The following PBX3 variants were observed in gnomAD, a reference collection of about 807,000 sequenced individuals.
PBX3 encodes the protein pre-B-cell leukemia transcription factor 3.
A neutral mutation model predicts 48.5 loss-of-function variants in PBX3; 14 were observed. That is an observed-to-expected ratio of 0.29 (90% CI 0.19 to 0.45). PBX3 has a LOEUF of 0.45. Among genes scored for constraint, PBX3 ranks in the 20% least tolerant of loss-of-function variants. The probability of loss-of-function intolerance (pLI) is 1.00; values close to 1 mark genes in which losing one functional copy is unlikely to be tolerated. For synonymous variants in PBX3, 210 were observed against 200.3 expected, an observed-to-expected ratio of 1.05 and a Z score of -0.41; for missense variants, 386 against 546.7, an observed-to-expected ratio of 0.71 and a Z score of 2.93.
In PBX3 at chr9:125,929,701, A is replaced by T. The variant is rs1841672143; in HGVS notation, c.563A>T (p.Gln188Leu). Residue 188 changes from glutamine to leucine, a missense_variant, in exon 4 of 9, where the codon CAG (glutamine) becomes CTG (leucine). Physicochemically the swap from Gln to Leu is moderately radical, Grantham distance 113. Transcript: ENST00000373489. ...TTHVMNLLRE[Q>L]SRTRPISPKE... ...CATGTGATGAACCTTCTCCGAGAACAGAGTAGAACACGTCCCATTTCTCCA... is the reference window on the plus strand; with the variant it reads ...CATGTGATGAACCTTCTCCGAGAACTGAGTAGAACACGTCCCATTTCTCCA... The T allele has an allele frequency of 6.2e-7, 1 of 1,612,894 alleles. No individual in the cohort carries two copies. Among genetic ancestry groups the T allele is most frequent in the African/African-American group, 1.3e-5 (1 of 74,854 alleles).
At chr9:125,880,336 C>A (rs929795125) in intron 2 of PBX3, among the ~76,000 whole-genome samples, 2 of 152,228 alleles carry the variant, frequency 1.3e-5, no homozygotes, top group Non-Finnish European at 2.9e-5. Context: ...AGCCACTGTT[C>A]TCAACCGTCA....
chr9:125,863,931 T>C (rs1839921522), intron 2 of PBX3, among the ~76,000 whole-genome samples: 1 of 152,106 alleles, frequency 6.6e-6, no homozygotes, highest in South Asian at 2.1e-4. Context: ...AGCCCCTGTC[T>C]CCTTAGAGAA....
chr9:125,780,862 A>C (rs1331773171), intron 2 of PBX3, among the ~76,000 whole-genome samples: 1 of 123,720 alleles, frequency 8.1e-6, no homozygotes, highest in Non-Finnish European at 1.7e-5. Context: ...GGGCAGAGGG[A>C]CTCCTCACTT....
chr9:125,948,689 T>C (rs1842117653), intron 5 of PBX3, among the ~76,000 whole-genome samples: 1 of 144,324 alleles, frequency 6.9e-6, no homozygotes, highest in African/African-American at 2.5e-5. Context: ...TATCTGTATA[T>C]ATGTGCAGGT....
intron 2 of PBX3, among the ~76,000 whole-genome samples, chr9:125,889,234 A>G (rs1204695671): frequency 6.6e-6 from 1 of 152,112 alleles, no homozygotes; most frequent in Non-Finnish European, 1.5e-5. Context: ...ACCCGTGGAG[A>G]GCTGTCTCCT....
intron 5 of PBX3, among the ~76,000 whole-genome samples, chr9:125,937,305 A>G (rs1759185687): frequency 6.6e-6 from 1 of 152,182 alleles, no homozygotes; most frequent in Admixed American, 6.5e-5. Flanking sequence ...GTTCTGAACT[A>G]GGGAGTTTTA....
At chr9:125,849,736 T>C (rs1434496168) in intron 2 of PBX3, among the ~76,000 whole-genome samples, 1 of 151,998 alleles carries the variant, frequency 6.6e-6, no homozygotes, top group Non-Finnish European at 1.5e-5. Flanking sequence ...TAAATATCAA[T>C]ATACATTTTA....
intron 5 of PBX3, among the ~76,000 whole-genome samples, chr9:125,948,170 C>G (rs1172048547): frequency 6.6e-6 from 1 of 152,184 alleles, no homozygotes; most frequent in Non-Finnish European, 1.5e-5. Context: ...AATGCTGATG[C>G]TGATGGTTCT....
intron 3 of PBX3, among the ~76,000 whole-genome samples, chr9:125,918,275 C>T (rs1402788752): frequency 1.3e-5 from 2 of 152,182 alleles, no homozygotes; most frequent in East Asian, 1.9e-4. Flanking sequence ...ATGACAAGGT[C>T]CTGAGTCTCA....
intron 2 of PBX3, chr9:125,844,506 G>C (rs997047768): frequency 6.6e-6 from 1 of 152,008 alleles, no homozygotes; most frequent in African/African-American, 2.4e-5. Context: ...AATATTACAG[G>C]TGTTTAAATT....
chr9:125,779,749 CG>C (rs1284317633), intron 2 of PBX3, among the ~76,000 whole-genome samples: 2 of 144,392 alleles, frequency 1.4e-5, no homozygotes, highest in Non-Finnish European at 3.0e-5. Flanking sequence ...ATTGTCATCC[CG>C]GCCCGTTCTC....
chr9:125,958,556 T>A (rs986503242), intron 5 of PBX3, among the ~76,000 whole-genome samples: 1 of 152,154 alleles, frequency 6.6e-6, no homozygotes. Context: ...GAGAACTATA[T>A]ACCCATTAGG....
At chr9:125,931,298 AATGTCCTTAGC>A (rs1841708458) in intron 4 of PBX3, among the ~76,000 whole-genome samples, 1 of 152,156 alleles carries the variant, frequency 6.6e-6, no homozygotes, top group African/African-American at 2.4e-5. Context: ...TAAAATAAAT[AATGTCCTTAGC>A]ATTCCCTTAT....
intron 2 of PBX3, among the ~76,000 whole-genome samples, chr9:125,788,827 A>C (rs1837524605): frequency 1.3e-5 from 2 of 151,702 alleles, no homozygotes. Flanking sequence ...GTGAGCCCAG[A>C]TTGCGCCACT....
chr9:125,916,607 G>A (rs928240854), intron 3 of PBX3, among the ~76,000 whole-genome samples: 1 of 152,058 alleles, frequency 6.6e-6, no homozygotes, highest in Non-Finnish European at 1.5e-5. Flanking sequence ...GTAACACCAA[G>A]AAAAAATTAA....
chr9:125,960,867 G>A lies in PBX3; in HGVS notation c.1009+18G>A, dbSNP rs1485494889. 6 of 1,607,148 alleles carry A rather than the reference G, an allele frequency of 3.7e-6. No homozygotes were observed. The highest frequency in any genetic ancestry group is 2.7e-5 in the African/African-American group (2 of 74,794). On this transcript the variant is annotated intron_variant, in intron 6 of 8. Coordinates refer to ENST00000373489, the MANE Select transcript of PBX3 (RefSeq NM_006195.6). ...AAATTCCGGTGCGTACTGGGGGCTC[G>A]CTCCCCAACTGGCCCAGGCAGCCTT... is the stretch of plus-strand genomic sequence containing the variant.
At chr9:125,892,932 C>T (rs975934600) in intron 2 of PBX3, among the ~76,000 whole-genome samples, 20 of 152,216 alleles carry the variant, frequency 1.3e-4, no homozygotes, top group Admixed American at 4.6e-4. Flanking sequence ...CCTCGCTGTG[C>T]TCCCCTGTGG....
intron 5 of PBX3, among the ~76,000 whole-genome samples, chr9:125,942,654 C>CA (rs1841980467): frequency 6.6e-6 from 1 of 152,182 alleles, no homozygotes. Flanking sequence ...TGCAAGTATG[C>CA]AGTTGGTAAA....
rs1216775016 is a variant in PBX3 at position 125,747,376 on chromosome 9, C to T, written c.-78C>T. On this transcript the variant is annotated 5_prime_UTR_variant, in exon 1 of 9. Transcript: ENST00000373489. The stretch of plus-strand genomic sequence containing the variant: ...CCTCCCCCTCCCCCTCTTTCTTCTC[C>T]TCCCTCGTCGCCGCCGCCGCCGCCG... 4.9e-5 allele frequency: 34 copies of T among 694,754 alleles called. No homozygotes were observed. The highest frequency in any genetic ancestry group is 6.1e-5 in the Non-Finnish European group (31 of 504,612). The allele number at this position is 694,754 out of a possible 1,614,324, so 43.0% of individuals were successfully genotyped here. A position where few individuals can be genotyped will look rare whatever the true frequency, so the allele number is the denominator to read the frequency against.
Sources: gnomAD v4.1 joint callset for allele counts (sites outside exome capture counted in the v4.1 genomes callset) on GRCh38, gnomAD v4.1.1 for gene constraint, MANE v1.5 for transcripts, NCBI Gene and HGNC (gene_info 2026-07-23, HGNC 2026-07-21) for gene names.